MAP6: variants seen among roughly 807,000 people sequenced by gnomAD.
MAP6 encodes microtubule-associated protein 6.
In MAP6, 26 loss-of-function variants were observed where a neutral mutation model predicts 42.4. The observed-to-expected ratio is 0.61, with a 90% CI of 0.45 to 0.85. The LOEUF (loss-of-function observed/expected upper bound fraction) is 0.85. MAP6 is among the 40% of genes least tolerant of loss of function. MAP6 has a pLI of 0.00. For synonymous variants in MAP6, 418 were observed against 443.8 expected (o/e 0.94, Z 0.73); for missense variants, 966 against 1,099.0 (o/e 0.88, Z 1.71).
intron 2 of MAP6, among the ~76,000 whole-genome samples, chr11:75,606,888 G>A (rs982299674): frequency 1.3e-5 from 2 of 152,216 alleles, no homozygotes; most frequent in Non-Finnish European, 2.9e-5. Flanking sequence ...GTCACTGAAA[G>A]TGACCCCTCA....
At position 75,668,271 on chromosome 11, in the gene MAP6, G is replaced by C. The variant is rs1944001441; in HGVS notation, c.99C>G (p.Tyr33Ter). The change falls in exon 1 of 4, where the codon TAC becomes TAG. Residue 33 changes from tyrosine to a stop codon, truncating the protein, a stop_gained. Coordinates refer to ENST00000304771, the MANE Select transcript of MAP6 (RefSeq NM_033063.2). LOFTEE classifies it high-confidence loss of function. ...CGCCCGGGTGCTCGGTGGCCTCCGAGTACTTGGTGAAAACCAGCGGCACAG... is the reference window on the plus strand; with the variant it reads ...CGCCCGGGTGCTCGGTGGCCTCCGACTACTTGGTGAAAACCAGCGGCACAG... ...DIAVPLVFTKYSEATEHPGAP... is the reference protein window; with the variant it reads ...DIAVPLVFTK The C allele has an allele frequency of 6.5e-7, 1 of 1,537,082 alleles. No homozygotes were observed. Among genetic ancestry groups the C allele is most frequent in the Non-Finnish European group, 8.7e-7 (1 of 1,149,274 alleles).
chr11:75,608,366 C>T, intron 1 of MAP6, 44 bp from the exon 2 acceptor site: 1 of 1,505,686 alleles, frequency 6.6e-7, no homozygotes, highest in Non-Finnish European at 9.2e-7. Flanking sequence ...CATCATCTGC[C>T]TGGAAGCAGA....
rs756465690 is a variant in MAP6 at position 75,587,332 on chromosome 11, T to G, written c.2169A>C (p.Leu723=). 1 of 1,613,972 alleles carries G rather than the reference T, an allele frequency of 6.2e-7. No homozygotes were observed. Among genetic ancestry groups the G allele is most frequent in the African/African-American group, 1.3e-5 (1 of 74,894 alleles). Residue 723 remains leucine, a synonymous_variant, in exon 4 of 4, where the codon CTA becomes CTC. Transcript: ENST00000304771. ...VKNQDPILPV[L]VKDQGPTVLQ... is the part of the protein sequence containing the mutation. ...GGACTGTGGGGCCTTGATCCTTAACTAGTACTGGGAGAATGGGGTCTTGAT... is the reference window on the plus strand; with the variant it reads ...GGACTGTGGGGCCTTGATCCTTAACGAGTACTGGGAGAATGGGGTCTTGAT...
intron 1 of MAP6, among the ~76,000 whole-genome samples, chr11:75,653,169 G>A (rs907024868): frequency 5.3e-5 from 8 of 152,310 alleles, no homozygotes; most frequent in Middle Eastern, 3.4e-3. Flanking sequence ...TTCACTCGCC[G>A]AGAGTCATTC....
At chr11:75,624,904 C>T (rs775653290) in intron 1 of MAP6, among the ~76,000 whole-genome samples, 16 of 152,238 alleles carry the variant, frequency 1.1e-4, no homozygotes, top group Non-Finnish European at 2.2e-4. Flanking sequence ...CCTCTGCTGG[C>T]GATTCTGTTC....
chr11:75,632,024 TAA>T (rs1943292168), intron 1 of MAP6, among the ~76,000 whole-genome samples: 1 of 152,206 alleles, frequency 6.6e-6, no homozygotes, highest in Non-Finnish European at 1.5e-5. Context: ...ACGGAGAGTG[TAA>T]AATTATAGGA....
chr11:75,654,396 C>T (rs1590806670), intron 1 of MAP6, among the ~76,000 whole-genome samples: 2 of 152,106 alleles, frequency 1.3e-5, no homozygotes, highest in African/African-American at 2.4e-5. Flanking sequence ...TTTGACACAC[C>T]GTACAGGTAC....
chr11:75,639,109 C>T (rs1943418407), intron 1 of MAP6, among the ~76,000 whole-genome samples: 2 of 152,196 alleles, frequency 1.3e-5, no homozygotes, highest in Non-Finnish European at 1.5e-5. Context: ...TACACATGGA[C>T]ACAGAGAGTG....
chr11:75,667,064 T>C lies in MAP6; in HGVS notation c.905+401A>G, dbSNP rs1158026342. Among the ~76,000 whole-genome samples the C allele has an allele frequency of 4.6e-5, 7 of 151,932 alleles. No individual in the cohort carries two copies. On this transcript the variant is annotated intron_variant, in intron 1 of 3. Transcript: ENST00000304771. This position sits in a 1 kb window ranked among gnomAD's most constrained non-coding sequence, Gnocchi z 5.6. ...GCGAGAGGCCACTTGGAAAGAATTC[T>C]TCTTCTGGAAGAATGGGGACCCTGC...
intron 1 of MAP6, among the ~76,000 whole-genome samples, chr11:75,626,085 G>C (rs2135623686): frequency 6.6e-6 from 1 of 152,282 alleles, no homozygotes; most frequent in East Asian, 1.9e-4. Context: ...CCCTAAGACA[G>C]GATGAAAACT....
intron 1 of MAP6, among the ~76,000 whole-genome samples, chr11:75,656,554 A>G (rs1409395845): frequency 6.6e-6 from 1 of 152,148 alleles, no homozygotes; most frequent in Non-Finnish European, 1.5e-5. Flanking sequence ...AGGAGAGGCA[A>G]GCACAGACAC....
chr11:75,661,523 T>C (rs1020721784), intron 1 of MAP6, among the ~76,000 whole-genome samples: 3 of 151,982 alleles, frequency 2.0e-5, no homozygotes, highest in African/African-American at 7.2e-5. Context: ...AATGCAAAGA[T>C]GGTTCAATAT....
chr11:75,625,210 C>A (rs748031207), intron 1 of MAP6, among the ~76,000 whole-genome samples: 6 of 152,236 alleles, frequency 3.9e-5, no homozygotes, highest in Non-Finnish European at 8.8e-5. Context: ...ACAGCCACAG[C>A]GCTTGGAGTC....
intron 1 of MAP6, among the ~76,000 whole-genome samples, chr11:75,654,588 C>T (rs1943704676): frequency 6.6e-6 from 1 of 152,222 alleles, no homozygotes; most frequent in South Asian, 2.1e-4. Flanking sequence ...ATTTATCTCT[C>T]TACCCTAGCG....
chr11:75,598,374 A>G (rs576288730), intron 3 of MAP6, among the ~76,000 whole-genome samples: 1 of 152,310 alleles, frequency 6.6e-6, no homozygotes, highest in South Asian at 2.1e-4. Flanking sequence ...CCCTAGAGTT[A>G]GGAGCCCTGA....
chr11:75,587,442 C>T lies in MAP6; in HGVS notation c.2059G>A (p.Val687Ile), dbSNP rs1942376076. The change falls in exon 4 of 4, where the codon GTC (valine) becomes ATC (isoleucine). Residue 687 changes from valine (V) to isoleucine (I), a missense_variant. Around this residue, in one of 2 missense-constraint regions of MAP6, gnomAD observed 943 missense variants for 1,049.9 expected, o/e 0.90. Transcript: ENST00000304771. ...SGPVKDQDVV[V>I]PEHAKVHDSA... is the part of the protein sequence containing the mutation. ...TCGTGAACCTTTGCATGCTCTGGGA[C>T]TACAACATCTTGATCCTTGACTGGC... 7 of 1,614,152 alleles carry T rather than the reference C, an allele frequency of 4.3e-6. No homozygotes were observed. The East Asian group carries it at 6.7e-5, about 15-fold the overall frequency.
chr11:75,600,939 A>G (rs1442459215), intron 3 of MAP6, among the ~76,000 whole-genome samples: 2 of 152,242 alleles, frequency 1.3e-5, no homozygotes, highest in African/African-American at 2.4e-5. Flanking sequence ...CTTAGCAACA[A>G]TGACCTATTT....
Position 75,668,482 on chromosome 11 carries a change from T to C in MAP6, c.-113A>G. The C allele has an allele frequency of 7.3e-7, 1 of 1,375,814 alleles. No homozygotes were observed. The highest frequency in any genetic ancestry group is 9.4e-7 in the Non-Finnish European group (1 of 1,060,864). 85.2% of individuals were successfully genotyped at this position (1,375,814 alleles called of 1,614,324 possible). The stretch of plus-strand genomic sequence containing the variant: ...GGCCAATGTGGTTCCCACCGTTTTC[T>C]ACCCCCGATCAGCCGGAGCTAGTTC... On this transcript the variant is annotated 5_prime_UTR_variant, in exon 1 of 4. Transcript: ENST00000304771.
chr11:75,614,232 A>T (rs1357963779), intron 1 of MAP6, among the ~76,000 whole-genome samples: 1 of 151,792 alleles, frequency 6.6e-6, no homozygotes, highest in Admixed American at 6.6e-5. Flanking sequence ...TGCAGCTCCC[A>T]CCTCCCTGCG....
Sources: gnomAD v4.1 joint callset for allele counts (sites outside exome capture counted in the v4.1 genomes callset) on GRCh38, gnomAD v4.1.1 for gene constraint, gnomAD v4.1.1 regional missense constraint, Gnocchi (gnomAD v3.1) non-coding constraint, MANE v1.5 for transcripts, NCBI Gene and HGNC (gene_info 2026-07-23, HGNC 2026-07-21) for gene names.